Variants in CDH23 observed in about 807,000 individuals in gnomAD.
CDH23 encodes cadherin related 23, also known as cadherin-23.
Under a neutral mutation model 317.1 loss-of-function variants are expected in CDH23, and 189 were observed. The observed-to-expected ratio is 0.60, with a 90% CI of 0.53 to 0.67. The LOEUF is 0.67. Ranked by LOEUF, CDH23 falls within the 30% of genes least tolerant of loss-of-function variation. The probability of loss-of-function intolerance (pLI) is 0.00; values close to 1 mark genes in which losing one functional copy is unlikely to be tolerated. For synonymous variants in CDH23, 1,839 were observed against 1,876.8 expected, an observed-to-expected ratio of 0.98 and a Z score of 0.52; for missense variants, 4,401 against 4,592.4, an observed-to-expected ratio of 0.96 and a Z score of 1.20.
intron 9 of CDH23, among the ~76,000 whole-genome samples, chr10:71,600,291 C>T (rs1409604601): frequency 2.0e-5 from 3 of 151,880 alleles, no homozygotes; most frequent in South Asian, 2.1e-4. Context: ...CGTGAGCGAC[C>T]GTACCCGGCC....
intron 16 of CDH23, 30 bp downstream of exon 16, chr10:71,677,723 C>T (rs569613832): frequency 4.0e-6 from 6 of 1,501,794 alleles, no homozygotes; most frequent in Middle Eastern, 1.7e-4. Flanking sequence ...TGCACTCCTG[C>T]CATTTATCTT....
chr10:71,505,580 C>T (rs1261706622), intron 3 of CDH23, among the ~76,000 whole-genome samples: 1 of 152,160 alleles, frequency 6.6e-6, no homozygotes, highest in Non-Finnish European at 1.5e-5. Flanking sequence ...GGAGAACACT[C>T]ACAGGCGCTG....
intron 13 of CDH23, 92 bp downstream of exon 13, chr10:71,646,072 C>A (rs1016951100): frequency 6.9e-7 from 1 of 1,454,762 alleles, no homozygotes; most frequent in Non-Finnish European, 9.4e-7. Context: ...TAGATCCCAC[C>A]TTCCACTGCT....
intron 35 of CDH23, among the ~76,000 whole-genome samples, chr10:71,739,027 C>G (rs1379573100): frequency 1.2e-4 from 18 of 152,218 alleles, no homozygotes; most frequent in Admixed American, 1.2e-3. Context: ...GTTTGGACAC[C>G]CCAGAGTGCA....
intron 28 of CDH23, among the ~76,000 whole-genome samples, chr10:71,722,118 G>A (rs1866585341): frequency 6.6e-6 from 1 of 152,132 alleles, no homozygotes; most frequent in Admixed American, 6.6e-5. Context: ...TAGGGCTTCG[G>A]GTGGCAAGAA....
At position 71,634,988 on chromosome 10, in the gene CDH23, G is replaced by A. The variant is rs1047246879; in HGVS notation, c.1135-8873G>A. 3.3e-5 allele frequency among the ~76,000 whole-genome samples: 5 copies of A among 152,376 alleles called. No homozygotes were observed. In the South Asian group the frequency reaches 1.0e-3, roughly 32 times the overall value. ...GGTCCAGGGTCTGGAATGCAGAAGA[G>A]AAAGACACAGCAAGGCTGAGCTATG... On this transcript the variant is annotated intron_variant, in intron 11 of 69. Transcript: ENST00000224721.
rs778320191 is a variant in CDH23, at chr10:71,779,377, C to T, written c.5298C>T (p.Phe1766=). 9.3e-6 allele frequency: 15 copies of T among 1,613,808 alleles called. No individual in the cohort carries two copies. The highest frequency in any genetic ancestry group is 1.3e-5 in the Non-Finnish European group (15 of 1,179,868). Residue 1766 remains phenylalanine (F), a synonymous_variant, in exon 41 of 70, where the codon TTC becomes TTT. Transcript: ENST00000224721. Reference sequence around the variant, plus strand: ...AGCCGGGGCCCAGAGTGTGGACCTTCCTGGCCCATGACCGAGACTCAGGAC... The same window carrying T: ...AGCCGGGGCCCAGAGTGTGGACCTTTCTGGCCCATGACCGAGACTCAGGAC... ...EGQPGPRVWT[F]LAHDRDSGPN... is the part of the protein sequence containing the mutation.
At position 71,606,845 on chromosome 10, in the gene CDH23, G is replaced by A. The variant is rs141699266; in HGVS notation, c.833-8659G>A. Among the ~76,000 whole-genome samples, 972 of 152,282 alleles carry A rather than the reference G, an allele frequency of 6.4e-3. 5 individuals carry two copies. The highest frequency in any genetic ancestry group is 0.014 in the Middle Eastern group (4 of 294). On this transcript the variant is annotated intron_variant, in intron 9 of 69. Transcript: ENST00000224721. ...AAGAGACCTGCAGGAAGAGGCTCCAGGCAGCTTGGGAAGCTTTGGGGAGGG... is the reference window on the plus strand; with the variant it reads ...AAGAGACCTGCAGGAAGAGGCTCCAAGCAGCTTGGGAAGCTTTGGGGAGGG...
At position 71,505,102 on chromosome 10, in the gene CDH23, T is replaced by C. The variant is rs929295277; in HGVS notation, c.146-4980T>C. Among the ~76,000 whole-genome samples the C allele has an allele frequency of 4.6e-5, 7 of 152,196 alleles. No individual in the cohort carries two copies. The South Asian group carries it at 8.3e-4, about 18-fold the overall frequency. On this transcript the variant is annotated intron_variant, in intron 3 of 69. Transcript: ENST00000224721. ...CCAGAAATAGATCTTGTGATGAAGATTTAAGTGCAAGAAGCTTACTGGGGA... is the reference window on the plus strand; with the variant it reads ...CCAGAAATAGATCTTGTGATGAAGACTTAAGTGCAAGAAGCTTACTGGGGA...
intron 3 of CDH23, chr10:71,508,284 A>G (rs565352285): frequency 3.3e-5 from 5 of 152,340 alleles, no homozygotes; most frequent in African/African-American, 1.2e-4. Flanking sequence ...CTGATAGGTC[A>G]TGTCCATGAA....
At chr10:71,777,603 C>A in intron 38 of CDH23, 77 bp from the exon 39 acceptor site, 1 of 1,321,872 alleles carries the variant, frequency 7.6e-7, no homozygotes, top group Non-Finnish European at 1.1e-6. Flanking sequence ...TGAGTTCAGC[C>A]CAGGAGAACA....
chr10:71,800,533 A>C, intron 52 of CDH23, 103 bp from the exon 53 acceptor site: 1 of 1,326,192 alleles, frequency 7.5e-7, no homozygotes, highest in Non-Finnish European at 1.0e-6. Flanking sequence ...TCTTTTGTTC[A>C]GTGTCAAATC....
At chr10:71,550,102 A>G (rs533943772) in intron 6 of CDH23, among the ~76,000 whole-genome samples, 29 of 152,266 alleles carry the variant, frequency 1.9e-4, no homozygotes, top group Admixed American at 1.9e-3. Context: ...TCCTCTCAGG[A>G]GCTAGGAATA....
intron 1 of CDH23, among the ~76,000 whole-genome samples, chr10:71,425,268 A>AGG (rs1363421845): frequency 7.3e-6 from 1 of 136,416 alleles, no homozygotes; most frequent in African/African-American, 2.8e-5. Flanking sequence ...AGAGAGAGAG[A>AGG]GGAAGGAAGG....
At chr10:71,699,341 C>A (rs1231071216) in intron 22 of CDH23, among the ~76,000 whole-genome samples, 1 of 152,390 alleles carries the variant, frequency 6.6e-6, no homozygotes, top group African/African-American at 2.4e-5. Flanking sequence ...AGAGCCCTCT[C>A]TAGACATGGC....
chr10:71,688,962 G>A (rs111209659), intron 19 of CDH23, among the ~76,000 whole-genome samples: 3,654 of 6,458 alleles, frequency 0.57, 666 homozygotes, highest in Admixed American at 0.61. Context: ...GGAGTCAGGG[G>A]TGGTGGAGTC....
At chr10:71,450,109 T>G (rs1316758829) in intron 3 of CDH23, among the ~76,000 whole-genome samples, 1 of 152,182 alleles carries the variant, frequency 6.6e-6, no homozygotes, top group Non-Finnish European at 1.5e-5. Context: ...TGGAGTGGCG[T>G]GAGGGCAGAT....
At chr10:71,490,117 T>C (rs1452814300) in intron 3 of CDH23, among the ~76,000 whole-genome samples, 1 of 152,194 alleles carries the variant, frequency 6.6e-6, no homozygotes, top group African/African-American at 2.4e-5. Flanking sequence ...ACTGTAATAA[T>C]GAAAACTTGG....
chr10:71,761,038 G>A lies in CDH23; in HGVS notation c.4846-16642G>A, dbSNP rs1173965399. ...CAGGTTCTCACGCTAGTGCCTACTC[G>A]GCAGTGTTGGCCCAGTGGCAGCCTG... is the stretch of plus-strand genomic sequence containing the variant. On this transcript the variant is annotated intron_variant, in intron 38 of 69. Coordinates refer to ENST00000224721, the MANE Select transcript of CDH23 (RefSeq NM_022124.6). 8.8e-6 allele frequency: 9 copies of A among 1,028,228 alleles called. No individual in the cohort carries two copies. In the East Asian group the frequency reaches 9.9e-5, roughly 11 times the overall value. The allele number at this position is 1,028,228 out of a possible 1,614,324, so 63.7% of individuals were successfully genotyped here.
Sources: allele counts gnomAD v4.1 joint callset (sites outside exome capture counted in the v4.1 genomes callset), GRCh38; gene constraint gnomAD v4.1.1; transcripts MANE v1.5; gene names NCBI Gene and HGNC (gene_info 2026-07-23, HGNC 2026-07-21).